The following S100B variants were observed in gnomAD, a reference collection of about 807,000 sequenced individuals.
The protein encoded by S100B is S100 calcium binding protein B.
A neutral mutation model predicts 7.7 loss-of-function variants in S100B; 6 were observed. That is an observed-to-expected ratio of 0.78 (90% CI 0.43 to 1.54). The LOEUF (loss-of-function observed/expected upper bound fraction) is 1.54, where lower values mean the gene tolerates loss of function less well. Among genes scored for constraint, S100B ranks in the 40% most tolerant of loss-of-function variants. The pLI, the probability that S100B is intolerant of heterozygous loss-of-function variation, is 0.01. For synonymous variants in S100B, 36 were observed against 40.4 expected (o/e 0.89, Z 0.41); for missense variants, 99 against 111.8 (o/e 0.89, Z 0.52).
chr21:46,599,332 G>A lies in S100B; in HGVS notation c.*31C>T, dbSNP rs1180451901. Reference sequence around the variant, plus strand: ...TCTGCTTTCTTGCATGACCGTCTCTGTTACAGGAAAGGTTTGGCTGCTTTC... The same window carrying A: ...TCTGCTTTCTTGCATGACCGTCTCTATTACAGGAAAGGTTTGGCTGCTTTC... On this transcript the variant is annotated 3_prime_UTR_variant, in exon 3 of 3. Transcript: ENST00000291700. The A allele has an allele frequency of 6.2e-7, 1 of 1,607,442 alleles. No individual in the cohort carries two copies. Among genetic ancestry groups the A allele is most frequent in the African/African-American group, 1.3e-5 (1 of 74,502 alleles).
At chr21:46,604,539 C>G (rs1032243819) in intron 1 of S100B, among the ~76,000 whole-genome samples, 1 of 152,132 alleles carries the variant, frequency 6.6e-6, no homozygotes. Flanking sequence ...GCACTTCAAA[C>G]TGAGGGAAAC....
chr21:46,602,794 C>G (rs1229738649), intron 1 of S100B: 2 of 166,324 alleles, frequency 1.2e-5, no homozygotes, highest in African/African-American at 4.8e-5. Context: ...CCTCTCTGTT[C>G]CTGCAAGGCT....
chr21:46,602,619 C>T (rs1021596069), intron 1 of S100B: 1 of 512,090 alleles, frequency 2.0e-6, no homozygotes, highest in African/African-American at 1.9e-5. Flanking sequence ...GCCTCTTAGA[C>T]AGCTGTGGGC....
At position 46,602,271 on chromosome 21, in the gene S100B, G is replaced by A; in HGVS notation, c.138+7C>T. On this transcript the variant is annotated splice_region_variant and intron_variant, in intron 2 of 2. Transcript: ENST00000291700. ...AGAAAGTGTCAAGTTTAAAAAGCAA[G>A]ACTCACCTCTAAGAAATGGGAAAGC... is the stretch of plus-strand genomic sequence containing the variant. 1 of 1,611,548 alleles carries A rather than the reference G, an allele frequency of 6.2e-7. No homozygotes were observed.
chr21:46,598,977 T>C lies in S100B; in HGVS notation c.*386A>G, dbSNP rs2148943338. The C allele has an allele frequency of 5.1e-6, 1 of 197,744 alleles. No individual in the cohort carries two copies. The highest frequency in any genetic ancestry group is 1.2e-4 in the South Asian group (1 of 8,074). The allele number at this position is 197,744 out of a possible 1,614,324, so 12.2% of individuals were successfully genotyped here. ...TTTCAAATAATGCTGGATAAGGCTTTGTTTTTTAAAGGTAGTGGAAGTTTT... is the reference window on the plus strand; with the variant it reads ...TTTCAAATAATGCTGGATAAGGCTTCGTTTTTTAAAGGTAGTGGAAGTTTT... On this transcript the variant is annotated 3_prime_UTR_variant, in exon 3 of 3. Coordinates refer to ENST00000291700, the MANE Select transcript of S100B (RefSeq NM_006272.3).
intron 1 of S100B, among the ~76,000 whole-genome samples, chr21:46,604,348 C>T (rs1433559372): frequency 6.6e-6 from 1 of 152,184 alleles, no homozygotes; most frequent in African/African-American, 2.4e-5. Context: ...TGAACTTTAA[C>T]TCCTTAGAAA....
intron 1 of S100B, among the ~76,000 whole-genome samples, chr21:46,603,069 C>T (rs921601959): frequency 2.0e-5 from 3 of 151,906 alleles, no homozygotes; most frequent in Non-Finnish European, 4.4e-5. Flanking sequence ...GGAAGTTTTT[C>T]CTTTAAATTC....
In S100B at chr21:46,604,222, A is replaced by G. The variant is rs148804745; in HGVS notation, c.-2+791T>C. ...TAAATTTTTCCCTTTGACCTAAGAA[A>G]TAGTTGATGGTTTATAGTTTATCTT... On this transcript the variant is annotated intron_variant, in intron 1 of 2. Transcript: ENST00000291700. 5.5e-3 allele frequency among the ~76,000 whole-genome samples: 836 copies of G among 152,346 alleles called. 11 individuals are homozygous for G. Among genetic ancestry groups the G allele is most frequent in the African/African-American group, 0.019 (785 of 41,574 alleles).
chr21:46,600,625 A>G (rs2061038953), intron 2 of S100B, among the ~76,000 whole-genome samples: 1 of 152,206 alleles, frequency 6.6e-6, no homozygotes, highest in Non-Finnish European at 1.5e-5. Context: ...GTGGATGGGC[A>G]GGAGCAGGGC....
At position 46,599,434 on chromosome 21, in the gene S100B, C is replaced by T. The variant is rs2061035511; in HGVS notation, c.208G>A (p.Asp70Asn). 6.2e-7 allele frequency: 1 copy of T among 1,613,724 alleles called. No homozygotes were observed. The highest frequency in any genetic ancestry group is 8.5e-7 in the Non-Finnish European group (1 of 1,179,738). ...ACAAAGGCCATGAATTCCTGGAAGT[C>T]ACATTCGCCGTCTCCATCATTGTCC... ...TLDNDGDGECDFQEFMAFVAM... is the reference protein window; with the variant it reads ...TLDNDGDGECNFQEFMAFVAM... Residue 70 changes from aspartate (D) to asparagine (N), a missense_variant, in exon 3 of 3, where the codon GAC (aspartate) becomes AAC (asparagine). Coordinates refer to ENST00000291700, the MANE Select transcript of S100B (RefSeq NM_006272.3).
intron 1 of S100B, among the ~76,000 whole-genome samples, chr21:46,604,164 C>A (rs931619777): frequency 2.6e-5 from 4 of 152,200 alleles, no homozygotes; most frequent in Non-Finnish European, 5.9e-5. Flanking sequence ...TGGTTTTCTT[C>A]ATAACCACAC....
At chr21:46,599,598 G>T in intron 2 of S100B, 95 bp from the exon 3 acceptor site, 1 of 1,108,946 alleles carries the variant, frequency 9.0e-7, no homozygotes, top group Non-Finnish European at 1.4e-6. Flanking sequence ...GATAATTTGT[G>T]TCCGAAATAA....
intron 1 of S100B, among the ~76,000 whole-genome samples, chr21:46,603,392 A>AGGGGGTGGGGGGAGGGGGGGGCGGGAG (rs796474856): frequency 2.6e-5 from 1 of 38,206 alleles, no homozygotes; most frequent in African/African-American, 1.0e-4. Flanking sequence ...GGACGGCGGG[A>AGGGGGTGGGGGGAGGGGGGGGCGGGAG]GGGGGTGGGG....
At position 46,599,358 on chromosome 21, in the gene S100B, T is replaced by C; in HGVS notation, c.*5A>G. On this transcript the variant is annotated 3_prime_UTR_variant, in exon 3 of 3. Coordinates refer to ENST00000291700, the MANE Select transcript of S100B (RefSeq NM_006272.3). ...TTACAGGAAAGGTTTGGCTGCTTTC[T>C]AATCTCACTCATGTTCAAAGAACTC... is the stretch of plus-strand genomic sequence containing the variant. 1 of 1,613,242 alleles carries C rather than the reference T, an allele frequency of 6.2e-7. No homozygotes were observed. The highest frequency in any genetic ancestry group is 8.5e-7 in the Non-Finnish European group (1 of 1,179,712).
chr21:46,600,418 TGCCCGTATTCCCA>T, intron 2 of S100B: 1 of 427,428 alleles, frequency 2.3e-6, no homozygotes, highest in South Asian at 1.7e-5. Flanking sequence ...ATGGTCCATG[TGCCCGTATTCCCA>T]GCTACTCAGG....
chr21:46,599,320 A>G lies in S100B; in HGVS notation c.*43T>C, dbSNP rs2148943457. On this transcript the variant is annotated 3_prime_UTR_variant, in exon 3 of 3. Transcript: ENST00000291700. Reference sequence around the variant, plus strand: ...AAGCCCTTGCTGTCTGCTTTCTTGCATGACCGTCTCTGTTACAGGAAAGGT... The same window carrying G: ...AAGCCCTTGCTGTCTGCTTTCTTGCGTGACCGTCTCTGTTACAGGAAAGGT... 6.3e-7 allele frequency: 1 copy of G among 1,596,038 alleles called. No homozygotes were observed. Among genetic ancestry groups the G allele is most frequent in the Non-Finnish European group, 8.6e-7 (1 of 1,168,168 alleles).
At position 46,599,151 on chromosome 21, in the gene S100B, A is replaced by C. The variant is rs2061034444; in HGVS notation, c.*212T>G. 1.7e-6 allele frequency: 1 copy of C among 576,696 alleles called. No homozygotes were observed. 35.7% of individuals were successfully genotyped at this position (576,696 alleles called of 1,614,324 possible). A position where few individuals can be genotyped will look rare whatever the true frequency, so the allele number is the denominator to read the frequency against. On this transcript the variant is annotated 3_prime_UTR_variant, in exon 3 of 3. Coordinates refer to ENST00000291700, the MANE Select transcript of S100B (RefSeq NM_006272.3). ...GAGTCCCTGGGGCCAGTCAGCTTACACACAGGCCTAATATAGCAGAAAGAA... is the reference window on the plus strand; with the variant it reads ...GAGTCCCTGGGGCCAGTCAGCTTACCCACAGGCCTAATATAGCAGAAAGAA...
In S100B at chr21:46,602,368, G is replaced by A; in HGVS notation, c.48C>T (p.His16=). Residue 16 remains histidine, a synonymous_variant, in exon 2 of 3, where the codon CAC becomes CAT. Transcript: ENST00000291700. ...TGTCTCCCTCCCTTCCAGAATATTG[G>A]TGGAAAACGTCGATGAGGGCCACCA... ...KAMVALIDVF[H]QYSGREGDKH... 1.2e-6 allele frequency: 2 copies of A among 1,614,082 alleles called. No homozygotes were observed. The highest frequency in any genetic ancestry group is 1.7e-6 in the Non-Finnish European group (2 of 1,179,976).
chr21:46,600,163 C>T (rs2061037536), intron 2 of S100B: 2 of 284,696 alleles, frequency 7.0e-6, no homozygotes, highest in African/African-American at 4.7e-5. Flanking sequence ...TGATGAAGAG[C>T]ATAAATGCAG....
Sources: allele counts gnomAD v4.1 joint callset (sites outside exome capture counted in the v4.1 genomes callset), GRCh38; gene constraint gnomAD v4.1.1; transcripts MANE v1.5; gene names NCBI Gene and HGNC (gene_info 2026-07-23, HGNC 2026-07-21).